Variants in TENM4 observed in about 807,000 individuals in gnomAD.
The protein encoded by TENM4 is teneurin transmembrane protein 4.
A neutral mutation model predicts 243.3 loss-of-function variants in TENM4; 82 were observed. The observed-to-expected ratio is 0.34, with a 90% CI of 0.28 to 0.40. The LOEUF is 0.40. Among genes scored for constraint, TENM4 ranks in the 10% least tolerant of loss-of-function variants. The pLI is 1.00. For synonymous variants in TENM4, 1,412 were observed against 1,456.3 expected (o/e 0.97, Z 0.69); for missense variants, 3,138 against 3,673.3 (o/e 0.85, Z 3.77).
intron 6 of TENM4, among the ~76,000 whole-genome samples, chr11:78,983,173 C>A (rs1857840370): frequency 6.6e-6 from 1 of 152,224 alleles, no homozygotes; most frequent in East Asian, 1.9e-4. Context: ...CAAAATCTCA[C>A]AGTCTATTCA....
At chr11:79,394,849 T>C (rs980061252) in intron 1 of TENM4, among the ~76,000 whole-genome samples, 10 of 151,988 alleles carry the variant, frequency 6.6e-5, no homozygotes, top group African/African-American at 9.7e-5. Flanking sequence ...AGAGAGAAGA[T>C]AGCCATGTGA....
chr11:79,110,437 A>G (rs1177165779), intron 4 of TENM4, among the ~76,000 whole-genome samples: 1 of 152,200 alleles, frequency 6.6e-6, no homozygotes, highest in Non-Finnish European at 1.5e-5. Context: ...CTGCAGGTGG[A>G]CAGCTGCAGC....
At chr11:78,895,878 G>A (rs1261129491) in intron 7 of TENM4, among the ~76,000 whole-genome samples, 1 of 152,208 alleles carries the variant, frequency 6.6e-6, no homozygotes, top group Non-Finnish European at 1.5e-5. Context: ...TCAGGAAAGA[G>A]GTTCCTGAGT....
At chr11:79,129,625 C>A (rs1261898275) in intron 4 of TENM4, among the ~76,000 whole-genome samples, 1 of 152,014 alleles carries the variant, frequency 6.6e-6, no homozygotes, top group Non-Finnish European at 1.5e-5. Context: ...CCCCAGCTTC[C>A]CTGACAACTT....
chr11:78,732,214 C>T, intron 21 of TENM4, 102 bp downstream of exon 21: 2 of 1,465,766 alleles, frequency 1.4e-6, no homozygotes, highest in Non-Finnish European at 1.8e-6. Context: ...CTGACCCAAG[C>T]CCTACAGAGG....
intron 2 of TENM4, among the ~76,000 whole-genome samples, chr11:79,261,258 A>G (rs1855790872): frequency 6.6e-6 from 1 of 152,078 alleles, no homozygotes; most frequent in Admixed American, 6.5e-5. Context: ...CTGCAGAAAA[A>G]CTGAGCTGAA....
At chr11:78,707,501 T>G (rs962328872) in intron 27 of TENM4, among the ~76,000 whole-genome samples, 3 of 152,252 alleles carry the variant, frequency 2.0e-5, no homozygotes, top group Non-Finnish European at 4.4e-5. Flanking sequence ...CTTCTTGTTT[T>G]AACTGCGGCC....
intron 1 of TENM4, among the ~76,000 whole-genome samples, chr11:79,324,775 T>A (rs1565299912): frequency 2.6e-5 from 4 of 152,174 alleles, no homozygotes; most frequent in Admixed American, 2.6e-4. Context: ...TCTGGGTAGA[T>A]GACACTGCTG....
At position 78,910,466 on chromosome 11, in the gene TENM4, T is replaced by C. The variant is rs1856161027; in HGVS notation, c.494-6943A>G. Among the ~76,000 whole-genome samples the C allele has an allele frequency of 1.3e-5, 2 of 152,218 alleles. 1 individual carries two copies. Among genetic ancestry groups the C allele is most frequent in the Admixed American group, 1.3e-4 (2 of 15,288 alleles). ...AATGAATCTTGGCCTACACGACCAA[T>C]TTATGAAGGCCGGAAAGCTCTTTAT... On this transcript the variant is annotated intron_variant, in intron 6 of 33. Transcript: ENST00000278550.
intron 6 of TENM4, among the ~76,000 whole-genome samples, chr11:79,024,513 A>T (rs1368769177): frequency 6.6e-6 from 1 of 152,208 alleles, no homozygotes; most frequent in Non-Finnish European, 1.5e-5. Context: ...AGTCAGATTT[A>T]ATATATAGAA....
At chr11:78,718,778 G>A (rs1207706965) in intron 25 of TENM4, among the ~76,000 whole-genome samples, 1 of 152,146 alleles carries the variant, frequency 6.6e-6, no homozygotes, top group East Asian at 1.9e-4. Flanking sequence ...TCTGAGAAAT[G>A]GGCATGTTTT....
Position 78,658,230 on chromosome 11 carries a change from C to T in TENM4, c.8138G>A (p.Gly2713Glu). 6.2e-7 allele frequency: 1 copy of T among 1,614,012 alleles called. No homozygotes were observed. The highest frequency in any genetic ancestry group is 1.3e-5 in the African/African-American group (1 of 75,080). ...TGTCCAGGCCCGCAGGCCTTCCTCC[C>T]CTTCCCGCAGTCTCTGCTGCTCGCG... Reference protein sequence around the residue: ...WAREQQRLREGEEGLRAWTEG... With the variant: ...WAREQQRLREEEEGLRAWTEG... Residue 2713 changes from glycine to glutamate, a missense_variant, in exon 34 of 34, where the codon GGG becomes GAG. Gly to Glu is a moderately conservative substitution (Grantham distance 98). Coordinates refer to ENST00000278550, the MANE Select transcript of TENM4 (RefSeq NM_001098816.3).
At chr11:78,687,500 G>C (rs375532488) in intron 29 of TENM4, among the ~76,000 whole-genome samples, 1 of 152,268 alleles carries the variant, frequency 6.6e-6, no homozygotes, top group African/African-American at 2.4e-5. Flanking sequence ...CATCCCATGA[G>C]AACAATTGAG....
chr11:79,222,254 G>A lies in TENM4; in HGVS notation c.-264-6345C>T, dbSNP rs566433525. Among the ~76,000 whole-genome samples, 269 of 152,302 alleles carry A rather than the reference G, an allele frequency of 1.8e-3. 1 individual carries two copies. Among genetic ancestry groups the A allele is most frequent in the Non-Finnish European group, 3.1e-3 (211 of 68,036 alleles). On this transcript the variant is annotated intron_variant, in intron 2 of 33. Coordinates refer to ENST00000278550, the MANE Select transcript of TENM4 (RefSeq NM_001098816.3). ...CCACTTTTAAGTGAGAGCATGCAGC[G>A]TTTGGTTTTCTGTTCCTGTGTTAGT...
intron 6 of TENM4, among the ~76,000 whole-genome samples, chr11:78,998,004 A>G (rs1426831321): frequency 6.6e-6 from 1 of 152,196 alleles, no homozygotes; most frequent in Non-Finnish European, 1.5e-5. Context: ...GCTGCTGTCT[A>G]TTAGCCAGAA....
chr11:79,038,644 T>TC (rs1859444358), intron 6 of TENM4, among the ~76,000 whole-genome samples: 2 of 152,222 alleles, frequency 1.3e-5, no homozygotes, highest in South Asian at 4.1e-4. Context: ...CTCCTTTTTT[T>TC]CTCTTCCGTT....
intron 4 of TENM4, among the ~76,000 whole-genome samples, chr11:79,075,462 T>A (rs978389324): frequency 6.6e-6 from 1 of 152,340 alleles, no homozygotes; most frequent in Admixed American, 6.5e-5. Context: ...TTGTAAACTG[T>A]AATGTACTAA....
At chr11:79,156,138 G>A (rs1228501561) in intron 3 of TENM4, among the ~76,000 whole-genome samples, 2 of 152,292 alleles carry the variant, frequency 1.3e-5, no homozygotes, top group East Asian at 1.9e-4. Flanking sequence ...AGGGAAGACT[G>A]GGTGGTGTTA....
intron 14 of TENM4, among the ~76,000 whole-genome samples, chr11:78,806,970 T>C (rs1346696964): frequency 1.3e-5 from 2 of 152,242 alleles, no homozygotes; most frequent in Non-Finnish European, 2.9e-5. Flanking sequence ...TTGTGATGGC[T>C]TATTTCACTT....
Sources: allele counts gnomAD v4.1 joint callset (sites outside exome capture counted in the v4.1 genomes callset), GRCh38; gene constraint gnomAD v4.1.1; transcripts MANE v1.5; gene names NCBI Gene and HGNC (gene_info 2026-07-23, HGNC 2026-07-21).